CACNA1B: variants seen among roughly 807,000 people sequenced by gnomAD.
The protein encoded by CACNA1B is calcium voltage-gated channel subunit alpha1 B.
Under a neutral mutation model 247.2 loss-of-function variants are expected in CACNA1B, and 70 were observed. That is an observed-to-expected ratio of 0.28 (90% CI 0.23 to 0.35). The LOEUF is 0.35. Among genes scored for constraint, CACNA1B ranks in the 10% least tolerant of loss-of-function variants. The pLI is 1.00. For missense variants in CACNA1B, 2,367 were observed against 3,197.4 expected (o/e 0.74, Z 6.26); for synonymous variants, 1,231 against 1,294.4 (o/e 0.95, Z 1.05).
Position 138,051,946 on chromosome 9 carries a change from G to T in CACNA1B, c.3711-146G>T, listed in dbSNP as rs1959296988. 2 of 575,132 alleles carry T rather than the reference G, an allele frequency of 3.5e-6. No individual in the cohort carries two copies. Among genetic ancestry groups the T allele is most frequent in the African/African-American group, 1.9e-5 (1 of 53,220 alleles). 35.6% of individuals were successfully genotyped at this position (575,132 alleles called of 1,614,324 possible). On this transcript the variant is annotated intron_variant, in intron 24 of 46. Transcript: ENST00000371372. The surrounding 1 kb of genome is among the most constrained non-coding windows in gnomAD (Gnocchi z 4.3). ...CATGGTGGCCTGTGGCACCTGCAGG[G>T]CAAGGCCTCTCTGCTCCTGGGTCCT...
intron 12 of CACNA1B, among the ~76,000 whole-genome samples, chr9:137,982,353 G>T (rs1212955047): frequency 6.6e-6 from 1 of 152,172 alleles, no homozygotes. Context: ...CCCAGCTGCC[G>T]GAGTGTCCTT....
intron 36 of CACNA1B, among the ~76,000 whole-genome samples, chr9:138,085,883 A>G (rs1005889949): frequency 3.3e-5 from 5 of 151,372 alleles, no homozygotes; most frequent in Admixed American, 1.3e-4. Context: ...GACCAGCCTT[A>G]CAAGAAATAC....
intron 6 of CACNA1B, among the ~76,000 whole-genome samples, chr9:137,921,383 T>C (rs1957476018): frequency 1.3e-5 from 2 of 150,090 alleles, no homozygotes; most frequent in South Asian, 4.2e-4. Flanking sequence ...CGCAGCATCC[T>C]GGGAGCAGAG....
At chr9:138,081,823 A>T (rs568116490) in intron 36 of CACNA1B, among the ~76,000 whole-genome samples, 1 of 151,270 alleles carries the variant, frequency 6.6e-6, no homozygotes, top group South Asian at 2.1e-4. Flanking sequence ...TGAATTAAGT[A>T]GAAAATATGA....
At chr9:137,995,720 AAAT>A (rs1487356630) in intron 15 of CACNA1B, among the ~76,000 whole-genome samples, 1 of 152,290 alleles carries the variant, frequency 6.6e-6, no homozygotes, top group Non-Finnish European at 1.5e-5. Flanking sequence ...ACAGCAAAAG[AAAT>A]AATCAATAAA....
At position 138,017,449 on chromosome 9, in the gene CACNA1B, C is replaced by T. The variant is rs533528867; in HGVS notation, c.2267+4214C>T. ...TCCCTCCTGGTCTCTGTCTTTTTGT[C>T]TGCTGCCTGTTGTGTCCGCTCACTC... is the stretch of plus-strand genomic sequence containing the variant. On this transcript the variant is annotated intron_variant, in intron 18 of 46. Transcript: ENST00000371372. 5.1e-4 allele frequency among the ~76,000 whole-genome samples: 78 copies of T among 152,340 alleles called. 2 individuals are homozygous for T. Among genetic ancestry groups the T allele is most frequent in the African/African-American group, 1.7e-3 (70 of 41,580 alleles).
chr9:137,967,711 C>A (rs1384519054), intron 10 of CACNA1B, among the ~76,000 whole-genome samples: 1 of 150,890 alleles, frequency 6.6e-6, no homozygotes, highest in African/African-American at 2.5e-5. Flanking sequence ...TCTCTCATTT[C>A]CTGTTGCACA....
At chr9:137,963,955 C>T (rs1958048201) in intron 10 of CACNA1B, among the ~76,000 whole-genome samples, 1 of 152,146 alleles carries the variant, frequency 6.6e-6, no homozygotes, top group African/African-American at 2.4e-5. Flanking sequence ...ACTTATGAAG[C>T]TTGATTTGGC....
chr9:137,932,367 A>G (rs1040861997), intron 6 of CACNA1B, among the ~76,000 whole-genome samples: 3 of 152,210 alleles, frequency 2.0e-5, no homozygotes, highest in African/African-American at 7.2e-5. Flanking sequence ...TGGGAGCTAA[A>G]TAACAAGTTA....
chr9:138,110,231 C>T (rs1961576449), intron 39 of CACNA1B, among the ~76,000 whole-genome samples: 1 of 152,032 alleles, frequency 6.6e-6, no homozygotes, highest in East Asian at 1.9e-4. Context: ...TCCTCTGCCT[C>T]AGCCTCCCAA....
At chr9:138,075,332 C>T (rs1451619029) in intron 34 of CACNA1B, among the ~76,000 whole-genome samples, 3 of 152,168 alleles carry the variant, frequency 2.0e-5, no homozygotes, top group Non-Finnish European at 4.4e-5. Flanking sequence ...AGCCAGATTC[C>T]AGATTTTGGG....
chr9:138,049,096 C>T (rs572374797), intron 23 of CACNA1B, 113 bp from the exon 24 acceptor site: 2 of 744,744 alleles, frequency 2.7e-6, no homozygotes, highest in East Asian at 2.6e-5. Flanking sequence ...CTTAAGCAGT[C>T]TGCCTGCCTC....
At position 138,059,592 on chromosome 9, in the gene CACNA1B, T is replaced by C. The variant is rs1352803065; in HGVS notation, c.4585-62T>C. Reference sequence around the variant, plus strand: ...CTTAATCAGGGCCACCACCTATATATACCTCTTTGCCAACAGAGCCCTCAT... The same window carrying C: ...CTTAATCAGGGCCACCACCTATATACACCTCTTTGCCAACAGAGCCCTCAT... On this transcript the variant is annotated intron_variant, in intron 30 of 46. Transcript: ENST00000371372. This position sits in a 1 kb window ranked among gnomAD's most constrained non-coding sequence, Gnocchi z 4.2. The C allele has an allele frequency of 1.6e-5, 15 of 961,634 alleles. No individual in the cohort carries two copies. Among genetic ancestry groups the C allele is most frequent in the Non-Finnish European group, 2.6e-5 (15 of 586,976 alleles). 59.6% of individuals were successfully genotyped at this position (961,634 alleles called of 1,614,324 possible).
At chr9:138,025,582 G>C (rs1338024747) in intron 20 of CACNA1B, among the ~76,000 whole-genome samples, 1 of 152,230 alleles carries the variant, frequency 6.6e-6, no homozygotes, top group Non-Finnish European at 1.5e-5. Context: ...GCGAGGGGCT[G>C]CAGAGGAGGA....
At chr9:137,922,598 C>T (rs541365239) in intron 6 of CACNA1B, among the ~76,000 whole-genome samples, 120 of 152,192 alleles carry the variant, frequency 7.9e-4, no homozygotes, top group African/African-American at 2.8e-3. Context: ...GTGAGGAAAT[C>T]AGGGTGGCAA....
chr9:138,059,747 A>G lies in CACNA1B; in HGVS notation c.4668+10A>G. 6.5e-7 allele frequency: 1 copy of G among 1,527,720 alleles called. No homozygotes were observed. The highest frequency in any genetic ancestry group is 9.1e-7 in the Non-Finnish European group (1 of 1,101,242). 94.6% of individuals were successfully genotyped at this position (1,527,720 alleles called of 1,614,324 possible). On this transcript the variant is annotated intron_variant, in intron 31 of 46. Coordinates refer to ENST00000371372, the MANE Select transcript of CACNA1B (RefSeq NM_000718.4). This position sits in a 1 kb window ranked among gnomAD's most constrained non-coding sequence, Gnocchi z 4.2. Reference sequence around the variant, plus strand: ...AGTAACAGAGATTGCGGTAAGTAGCATTTCTGTCCCTCCTTCAGGGTCCCC... The same window carrying G: ...AGTAACAGAGATTGCGGTAAGTAGCGTTTCTGTCCCTCCTTCAGGGTCCCC...
intron 23 of CACNA1B, among the ~76,000 whole-genome samples, chr9:138,047,671 G>A (rs984377019): frequency 6.6e-6 from 1 of 152,342 alleles, no homozygotes; most frequent in South Asian, 2.1e-4. Flanking sequence ...CGCTGGGAGT[G>A]CTCCCCAGTG....
At chr9:138,047,080 G>GC (rs1399484433) in intron 22 of CACNA1B, 47 bp downstream of exon 22, 1 of 1,555,030 alleles carries the variant, frequency 6.4e-7, no homozygotes, top group Non-Finnish European at 8.7e-7. Flanking sequence ...TGGCGGGGGA[G>GC]CTGGGTGCCT....
intron 6 of CACNA1B, among the ~76,000 whole-genome samples, chr9:137,926,594 A>G (rs576399808): frequency 6.6e-6 from 1 of 152,352 alleles, no homozygotes; most frequent in East Asian, 1.9e-4. Flanking sequence ...TTTTAAGTTC[A>G]TGAGGAACTG....
Sources: allele counts gnomAD v4.1 joint callset (sites outside exome capture counted in the v4.1 genomes callset), GRCh38; gene constraint gnomAD v4.1.1; non-coding constraint Gnocchi (gnomAD v3.1); transcripts MANE v1.5; gene names NCBI Gene and HGNC (gene_info 2026-07-23, HGNC 2026-07-21).